SGCD: variants seen among roughly 807,000 people sequenced by gnomAD.
SGCD encodes delta-sarcoglycan.
SGCD carries 18 observed loss-of-function variants against 36.6 expected under a neutral mutation model. The ratio of observed to expected loss-of-function variants is 0.49; its 90% CI spans 0.34 to 0.73. The LOEUF (loss-of-function observed/expected upper bound fraction) is 0.73. Among genes scored for constraint, SGCD ranks in the 30% least tolerant of loss-of-function variants. The pLI is 0.01. For missense variants in SGCD, 387 were observed against 346.7 expected (o/e 1.12, Z -0.92); for synonymous variants, 133 against 130.6 (o/e 1.02, Z -0.12).
At chr5:156,587,179 G>A (rs762645727) in intron 4 of SGCD, among the ~76,000 whole-genome samples, 67 of 152,272 alleles carry the variant, frequency 4.4e-4, no homozygotes, top group Middle Eastern at 6.8e-3. Flanking sequence ...TGACCAGCCT[G>A]CCCTTTTGTT....
intron 4 of SGCD, among the ~76,000 whole-genome samples, chr5:156,513,750 C>G (rs1757038787): frequency 6.6e-6 from 1 of 152,200 alleles, no homozygotes. Flanking sequence ...AGTGTGATAA[C>G]AATCACTTAG....
At chr5:155,863,086 T>C in the SGCD span, among the ~76,000 whole-genome samples, 2 of 152,180 alleles carry the variant, frequency 1.3e-5, no homozygotes, top group Non-Finnish European at 2.9e-5. Context: ...TTGGAGTGGA[T>C]GCTTGGGATA....
chr5:156,348,415 G>A (rs977082190), intron 3 of SGCD, among the ~76,000 whole-genome samples: 1 of 152,062 alleles, frequency 6.6e-6, no homozygotes, highest in African/African-American at 2.4e-5. Flanking sequence ...AAAGTCTCAG[G>A]TTACAAAATC....
At chr5:156,075,435 A>G (rs1459984573) in intron 1 of SGCD, among the ~76,000 whole-genome samples, 1 of 152,242 alleles carries the variant, frequency 6.6e-6, no homozygotes, top group Non-Finnish European at 1.5e-5. Flanking sequence ...GCACAGAGGT[A>G]GTCTATAAGA....
At chr5:156,741,814 C>T (rs932259102) in intron 7 of SGCD, among the ~76,000 whole-genome samples, 43 of 151,780 alleles carry the variant, frequency 2.8e-4, no homozygotes, top group African/African-American at 9.9e-4. Flanking sequence ...CTAGTCTTAC[C>T]AGCCAAAAAG....
chr5:156,536,567 C>T lies in SGCD; in HGVS notation c.294+27865C>T, dbSNP rs78059333. Among the ~76,000 whole-genome samples, 1,444 of 151,858 alleles carry T rather than the reference C, an allele frequency of 9.5e-3. 21 individuals carry two copies. The highest frequency in any genetic ancestry group is 0.033 in the East Asian group (171 of 5,158). ...TAAAATGCAGCTTTATTTTTGTCAT[C>T]ACTGATCCTTTAAGCTTTGAGGTGT... On this transcript the variant is annotated intron_variant, in intron 4 of 8. Transcript: ENST00000337851.
chr5:156,366,896 G>T (rs1446324447), intron 3 of SGCD, among the ~76,000 whole-genome samples: 1 of 152,176 alleles, frequency 6.6e-6, no homozygotes, highest in Non-Finnish European at 1.5e-5. Context: ...AGATACTTTT[G>T]AAGGGAAAAA....
At chr5:156,076,467 A>G (rs924755699) in intron 1 of SGCD, among the ~76,000 whole-genome samples, 2 of 152,182 alleles carry the variant, frequency 1.3e-5, no homozygotes, top group African/African-American at 4.8e-5. Context: ...CAAAAGAAGG[A>G]TTCAAAAGAA....
intron 1 of SGCD, among the ~76,000 whole-genome samples, chr5:155,880,698 C>A (rs936187273): frequency 1.3e-5 from 2 of 152,114 alleles, no homozygotes; most frequent in African/African-American, 4.8e-5. Flanking sequence ...GTAGCTTTAA[C>A]CTTGGTGACT....
intron 3 of SGCD, among the ~76,000 whole-genome samples, chr5:156,478,258 G>A (rs551247110): frequency 3.9e-5 from 6 of 152,046 alleles, no homozygotes; most frequent in East Asian, 1.9e-4. Flanking sequence ...TCAGAAATTC[G>A]AGTGGGCTCC....
chr5:156,367,639 C>T (rs1392416913), intron 3 of SGCD, among the ~76,000 whole-genome samples: 2 of 152,204 alleles, frequency 1.3e-5, no homozygotes, highest in Non-Finnish European at 2.9e-5. Context: ...TGACAATCTA[C>T]ACCATTCCCT....
chr5:156,182,128 A>G (rs888364885), intron 3 of SGCD, among the ~76,000 whole-genome samples: 25 of 152,354 alleles, frequency 1.6e-4, no homozygotes, highest in Non-Finnish European at 3.5e-4. Flanking sequence ...ACGTTTGTGG[A>G]AATTGACACA....
At chr5:156,438,291 C>G (rs898384728) in intron 3 of SGCD, among the ~76,000 whole-genome samples, 2 of 152,090 alleles carry the variant, frequency 1.3e-5, no homozygotes, top group African/African-American at 4.8e-5. Flanking sequence ...TATGCTCCTG[C>G]TCTGAGAGCT....
At chr5:156,715,034 G>T (rs1755157464) in intron 7 of SGCD, among the ~76,000 whole-genome samples, 1 of 152,118 alleles carries the variant, frequency 6.6e-6, no homozygotes, top group Non-Finnish European at 1.5e-5. Flanking sequence ...CTCAGGAAAG[G>T]GCTCATTGAG....
intron 3 of SGCD, among the ~76,000 whole-genome samples, chr5:156,249,080 G>T (rs1765511019): frequency 6.6e-6 from 1 of 152,178 alleles, no homozygotes; most frequent in South Asian, 2.1e-4. Context: ...TGAATATATA[G>T]ATTTGGAGTA....
At chr5:155,788,626 T>G in the SGCD span, among the ~76,000 whole-genome samples, 1 of 152,180 alleles carries the variant, frequency 6.6e-6, no homozygotes, top group Non-Finnish European at 1.5e-5. Flanking sequence ...AACCATCCAT[T>G]AATTCATTCA....
chr5:155,876,972 A>G (rs1241372898), intron 1 of SGCD, among the ~76,000 whole-genome samples: 3 of 152,126 alleles, frequency 2.0e-5, no homozygotes, highest in African/African-American at 4.8e-5. Context: ...TATGCCCACT[A>G]TATCCTCAGC....
At chr5:156,024,246 T>C (rs1396282109) in intron 1 of SGCD, among the ~76,000 whole-genome samples, 1 of 151,904 alleles carries the variant, frequency 6.6e-6, no homozygotes, top group Non-Finnish European at 1.5e-5. Flanking sequence ...ATGGAGAAGA[T>C]ACCCCAATGG....
At chr5:156,501,086 C>A (rs1261699760) in intron 3 of SGCD, among the ~76,000 whole-genome samples, 1 of 152,162 alleles carries the variant, frequency 6.6e-6, no homozygotes, top group Non-Finnish European at 1.5e-5. Flanking sequence ...GTGCTACAGC[C>A]ATTTCCTTTG....
Sources: allele counts gnomAD v4.1 joint callset (sites outside exome capture counted in the v4.1 genomes callset), GRCh38; gene constraint gnomAD v4.1.1; transcripts MANE v1.5; gene names NCBI Gene and HGNC (gene_info 2026-07-23, HGNC 2026-07-21).